The following FAM199X variants were observed in gnomAD, a reference collection of about 807,000 sequenced individuals.
FAM199X encodes protein FAM199X.
FAM199X carries 4 observed loss-of-function variants against 22.9 expected under a neutral mutation model. The ratio of observed to expected loss-of-function variants is 0.17; its 90% confidence interval spans 0.09 to 0.40. FAM199X has a LOEUF of 0.40. Ranked by LOEUF, FAM199X falls within the 10% of genes least tolerant of loss-of-function variation. The probability of loss-of-function intolerance (pLI) is 1.00; values close to 1 mark genes in which losing one functional copy is unlikely to be tolerated. For missense variants in FAM199X, 183 were observed against 306.8 expected (o/e 0.60, Z 3.01); for synonymous variants, 101 against 112.3 (o/e 0.90, Z 0.64).
chrX:104,170,130 T>G (rs965721661), intron 1 of FAM199X, among the ~76,000 whole-genome samples: 2 of 112,665 alleles, frequency 1.8e-5, no homozygotes, highest in East Asian at 5.5e-4. Context: ...AGTGATTTTC[T>G]GATGTAAATG....
At chrX:104,160,699 C>A in the FAM199X span, among the ~76,000 whole-genome samples, 45 of 112,336 alleles carry the variant, frequency 4.0e-4, no homozygotes, top group African/African-American at 1.5e-3. Context: ...ATTGGATCAT[C>A]TTTACAAACT....
At chrX:104,165,797 G>A (rs890599919), upstream of FAM199X, among the ~76,000 whole-genome samples, 1 of 111,306 alleles carries the variant, frequency 9.0e-6, no homozygotes, top group Non-Finnish European at 1.9e-5. Flanking sequence ...GGAGGGAGGG[G>A]GCAAATTAGC....
At chrX:104,171,272 T>A (rs1207331652) in intron 1 of FAM199X, among the ~76,000 whole-genome samples, 1 of 111,609 alleles carries the variant, frequency 9.0e-6, no homozygotes, top group East Asian at 2.8e-4. Context: ...TTTTTTTTTT[T>A]AATTAAAATT....
Position 104,189,887 on chromosome X carries a change from A to G in FAM199X, c.*109A>G. The G allele has an allele frequency of 1.3e-6, 1 of 776,217 alleles. No homozygotes were observed. The allele number at this position is 776,217 out of a possible 1,213,427, so 64.0% of individuals were successfully genotyped here. A position where few individuals can be genotyped will look rare whatever the true frequency, so the allele number is the denominator to read the frequency against. ...GTTAGGGCTGTGCTGATGTACCATT[A>G]ATAATTTAAGCCAGTGGTTCTTGGC... On this transcript the variant is annotated 3_prime_UTR_variant, in exon 6 of 6. Transcript: ENST00000493442.
intron 1 of FAM199X, among the ~76,000 whole-genome samples, chrX:104,169,875 C>G (rs782012633): frequency 2.7e-5 from 3 of 112,014 alleles, no homozygotes; most frequent in Non-Finnish European, 5.6e-5. Flanking sequence ...GCCCAGTATT[C>G]AAATTAAAGT....
At chrX:104,182,847 G>C (rs1349077932) in intron 2 of FAM199X, among the ~76,000 whole-genome samples, 1 of 111,222 alleles carries the variant, frequency 9.0e-6, no homozygotes, top group Non-Finnish European at 1.9e-5. Context: ...TGTGTGCCAG[G>C]CATGTTACCA....
In FAM199X at chrX:104,186,453, C is replaced by T. The variant is rs1921809727; in HGVS notation, c.568-7C>T. On this transcript the variant is annotated splice_region_variant and splice_polypyrimidine_tract_variant and intron_variant, in intron 3 of 5. Coordinates refer to ENST00000493442, the MANE Select transcript of FAM199X (RefSeq NM_207318.4). ...AATGATCTTATTGTAATTTTTTCAT[C>T]ACATAGGTGGAATATATTGAGTATC... is the stretch of plus-strand genomic sequence containing the variant. 5.0e-6 allele frequency: 6 copies of T among 1,200,564 alleles called. No individual in the cohort carries two copies. Among genetic ancestry groups the T allele is most frequent in the Non-Finnish European group, 6.7e-6 (6 of 891,434 alleles).
intron 1 of FAM199X, among the ~76,000 whole-genome samples, chrX:104,175,312 A>C (rs1365056684): frequency 8.9e-6 from 1 of 111,971 alleles, no homozygotes; most frequent in Admixed American, 9.5e-5. Flanking sequence ...TCAGACAGCT[A>C]CAAAGGTAGA....
the FAM199X span, among the ~76,000 whole-genome samples, chrX:104,158,466 A>T: frequency 3.6e-5 from 4 of 111,814 alleles, no homozygotes; most frequent in Non-Finnish European, 7.5e-5. Context: ...ATATTAGCAA[A>T]GATCTTGCTT....
Position 104,189,988 on chromosome X carries a change from A to T in FAM199X, c.*210A>T, listed in dbSNP as rs1556380019. On this transcript the variant is annotated 3_prime_UTR_variant, in exon 6 of 6. Transcript: ENST00000493442. ...ATGCATACTAGTGGGCCCCGCCCCCAGACATAGTGAATCAGAAACCAACAG... is the reference window on the plus strand; with the variant it reads ...ATGCATACTAGTGGGCCCCGCCCCCTGACATAGTGAATCAGAAACCAACAG... 1 of 379,620 alleles carries T rather than the reference A, an allele frequency of 2.6e-6. No homozygotes were observed. Among genetic ancestry groups the T allele is most frequent in the Non-Finnish European group, 4.5e-6 (1 of 221,927 alleles). 31.3% of individuals were successfully genotyped at this position (379,620 alleles called of 1,213,427 possible).
upstream of FAM199X, among the ~76,000 whole-genome samples, chrX:104,163,288 G>A (rs1921083523): frequency 8.9e-6 from 1 of 112,287 alleles, no homozygotes; most frequent in Admixed American, 9.5e-5. Context: ...GCAGCCATCA[G>A]CTCTCTGGTA....
At chrX:104,169,981 C>T (rs1462292216) in intron 1 of FAM199X, among the ~76,000 whole-genome samples, 1 of 112,160 alleles carries the variant, frequency 8.9e-6, no homozygotes, top group South Asian at 3.7e-4. Flanking sequence ...TACCTTAAGA[C>T]CTACATGGAT....
intron 2 of FAM199X, among the ~76,000 whole-genome samples, chrX:104,183,165 A>G (rs1224592305): frequency 9.0e-6 from 1 of 111,384 alleles, no homozygotes; most frequent in Admixed American, 9.6e-5. Flanking sequence ...TTTTGAAAGT[A>G]TAGGTATTTC....
In FAM199X at chrX:104,193,004, A is replaced by G. The variant is rs1385530223; in HGVS notation, c.*3226A>G. On this transcript the variant is annotated 3_prime_UTR_variant, in exon 6 of 6. Transcript: ENST00000493442. ...AGAAATATTAGTACACAACCAATATAGAAGTCTTGTTTGTTTCTGGGTTCT... is the reference window on the plus strand; with the variant it reads ...AGAAATATTAGTACACAACCAATATGGAAGTCTTGTTTGTTTCTGGGTTCT... 7.1e-5 allele frequency: 8 copies of G among 111,992 alleles called. No individual in the cohort carries two copies. In the Admixed American group the frequency reaches 7.6e-4, roughly 11 times the overall value. The allele number at this position is 111,992 out of a possible 1,213,427, so 9.2% of individuals were successfully genotyped here.
chrX:104,168,439 A>G (rs1322096432), intron 1 of FAM199X, among the ~76,000 whole-genome samples: 7 of 112,653 alleles, frequency 6.2e-5, no homozygotes, highest in African/African-American at 9.7e-5. Flanking sequence ...CCCTGATGTC[A>G]CTGTAATGTG....
At chrX:104,185,174 T>C (rs1279612163) in intron 2 of FAM199X, among the ~76,000 whole-genome samples, 1 of 108,020 alleles carries the variant, frequency 9.3e-6, no homozygotes, top group Non-Finnish European at 1.9e-5. Context: ...CACAAAGTGC[T>C]GAGATTACAG....
intron 1 of FAM199X, among the ~76,000 whole-genome samples, chrX:104,169,153 C>T (rs782033845): frequency 8.9e-6 from 1 of 111,980 alleles, no homozygotes; most frequent in African/African-American, 3.2e-5. Flanking sequence ...AAGCACACAG[C>T]TAAATCATAT....
Position 104,166,655 on chromosome X carries a change from A to C in FAM199X, c.-131A>C. ...CAAGCAGCAGCGGGCCGCGACGCCC[A>C]GCCTGCCAGTGAGCTGCGACGGGCA... On this transcript the variant is annotated 5_prime_UTR_variant, in exon 1 of 6. Coordinates refer to ENST00000493442, the MANE Select transcript of FAM199X (RefSeq NM_207318.4). 1.8e-6 allele frequency: 1 copy of C among 567,270 alleles called. No individual in the cohort carries two copies. Among genetic ancestry groups the C allele is most frequent in the Non-Finnish European group, 2.6e-6 (1 of 383,124 alleles). The allele number at this position is 567,270 out of a possible 1,213,427, so 46.7% of individuals were successfully genotyped here. A position where few individuals can be genotyped will look rare whatever the true frequency, so the allele number is the denominator to read the frequency against.
rs1197699553 is a variant in FAM199X at position 104,192,959 on chromosome X, A to T, written c.*3181A>T. ...GCTTTAAAAATTATAAAATATAGCA[A>T]ATGTCTTCATATTTTAGCCAGAAAT... On this transcript the variant is annotated 3_prime_UTR_variant, in exon 6 of 6. Transcript: ENST00000493442. 8.9e-6 allele frequency: 1 copy of T among 111,788 alleles called. No homozygotes were observed. Among genetic ancestry groups the T allele is most frequent in the Non-Finnish European group, 1.9e-5 (1 of 52,947 alleles). The allele number at this position is 111,788 out of a possible 1,213,427, so 9.2% of individuals were successfully genotyped here.
Sources: allele counts gnomAD v4.1 joint callset (sites outside exome capture counted in the v4.1 genomes callset), GRCh38; gene constraint gnomAD v4.1.1; transcripts MANE v1.5; gene names NCBI Gene and HGNC (gene_info 2026-07-23, HGNC 2026-07-21).